Variants in TUSC3 observed in about 807,000 individuals in gnomAD.
TUSC3 encodes dolichyl-diphosphooligosaccharide--protein glycosyltransferase subunit TUSC3.
In TUSC3, 45 loss-of-function variants were observed where a neutral mutation model predicts 44.8. The observed-to-expected ratio is 1.00, with a 90% CI of 0.79 to 1.29. The LOEUF is 1.29. TUSC3 is among the 50% of genes most tolerant of loss of function. TUSC3 has a pLI of 0.00. For missense variants in TUSC3, 519 were observed against 437.9 expected (o/e 1.19, Z -1.65); for synonymous variants, 212 against 152.9 (o/e 1.39, Z -2.85).
At chr8:15,539,084 C>T (rs888891881), upstream of TUSC3, among the ~76,000 whole-genome samples, 1 of 151,706 alleles carries the variant, frequency 6.6e-6, no homozygotes, top group Admixed American at 6.6e-5. Context: ...AACTCTTGGA[C>T]ACAAGCCTCC....
the TUSC3 span, among the ~76,000 whole-genome samples, chr8:15,823,019 ATT>A: frequency 3.9e-3 from 596 of 152,202 alleles, 9 homozygotes; most frequent in African/African-American, 0.014. Flanking sequence ...CCCATCAAAG[ATT>A]TTTTTCTTTT....
intron 6 of TUSC3, among the ~76,000 whole-genome samples, chr8:15,706,842 TC>T (rs1164921032): frequency 1.3e-5 from 2 of 152,010 alleles, no homozygotes; most frequent in Non-Finnish European, 2.9e-5. Flanking sequence ...ATTTCAGCTA[TC>T]AACTTTATTC....
the TUSC3 span, among the ~76,000 whole-genome samples, chr8:15,848,170 A>G: frequency 6.6e-6 from 1 of 152,102 alleles, no homozygotes; most frequent in Non-Finnish European, 1.5e-5. Flanking sequence ...GTCAACCACA[A>G]GCATGCAACT....
At chr8:15,650,639 T>C (rs1806852712) in intron 2 of TUSC3, 58 bp from the exon 3 acceptor site, 1 of 1,469,542 alleles carries the variant, frequency 6.8e-7, no homozygotes, top group Non-Finnish European at 9.5e-7. Context: ...TTTTAATAAC[T>C]GCTTTGTAGA....
chr8:15,758,615 C>A (rs1474692096), intron 10 of TUSC3, among the ~76,000 whole-genome samples: 1 of 152,064 alleles, frequency 6.6e-6, no homozygotes, highest in African/African-American at 2.4e-5. Flanking sequence ...CAGCAACCCA[C>A]TGAACGTAGG....
chr8:15,726,048 C>T (rs573462294), intron 6 of TUSC3, among the ~76,000 whole-genome samples: 1 of 152,216 alleles, frequency 6.6e-6, no homozygotes. Context: ...TTCTTATTTT[C>T]GGAACATTAC....
chr8:15,606,007 G>A (rs537081364), intron 1 of TUSC3, among the ~76,000 whole-genome samples: 25 of 152,008 alleles, frequency 1.6e-4, no homozygotes, highest in African/African-American at 5.3e-4. Flanking sequence ...GTGATCACCC[G>A]AGGTTCTCCT....
At chr8:15,481,796 G>T (rs993682470) in intron 1 of TUSC3, among the ~76,000 whole-genome samples, 1 of 152,148 alleles carries the variant, frequency 6.6e-6, no homozygotes, top group Non-Finnish European at 1.5e-5. Context: ...TTTTGCCGGC[G>T]GAGGGTCTGG....
At chr8:15,495,737 T>C (rs1023743948) in intron 2 of TUSC3, among the ~76,000 whole-genome samples, 1 of 152,154 alleles carries the variant, frequency 6.6e-6, no homozygotes, top group Non-Finnish European at 1.5e-5. Context: ...CTGGAGTCAG[T>C]GGGCTCCATG....
intron 6 of TUSC3, among the ~76,000 whole-genome samples, chr8:15,699,155 A>C (rs1197300427): frequency 6.6e-6 from 1 of 152,184 alleles, no homozygotes; most frequent in South Asian, 2.1e-4. Context: ...AGCCATCTTC[A>C]GCCTATTTTA....
At chr8:15,820,559 C>T in the TUSC3 span, among the ~76,000 whole-genome samples, 5 of 152,068 alleles carry the variant, frequency 3.3e-5, no homozygotes, top group East Asian at 3.9e-4. Context: ...ACCTCATGAT[C>T]GGCCCACCTC....
At chr8:15,648,388 C>T (rs1057401444) in intron 2 of TUSC3, among the ~76,000 whole-genome samples, 2 of 151,960 alleles carry the variant, frequency 1.3e-5, no homozygotes, top group African/African-American at 2.4e-5. Context: ...CCTGACTAGA[C>T]GCGGGCAGAC....
chr8:15,420,995 T>C (rs956569386), intron 1 of TUSC3, among the ~76,000 whole-genome samples: 21 of 152,306 alleles, frequency 1.4e-4, no homozygotes, highest in African/African-American at 4.1e-4. Context: ...ACACTAATTT[T>C]TTATCTCTTC....
chr8:15,606,123 A>G (rs1224219665), intron 1 of TUSC3, among the ~76,000 whole-genome samples: 1 of 152,046 alleles, frequency 6.6e-6, no homozygotes, highest in Admixed American at 6.6e-5. Context: ...GAAGCAGACA[A>G]GCCATGACAT....
chr8:15,828,688 A>G, the TUSC3 span, among the ~76,000 whole-genome samples: 1 of 152,250 alleles, frequency 6.6e-6, no homozygotes, highest in African/African-American at 2.4e-5. Context: ...ACACATTGTA[A>G]ATAATATCTA....
At chr8:15,642,159 T>C (rs774388783) in intron 2 of TUSC3, among the ~76,000 whole-genome samples, 1 of 152,208 alleles carries the variant, frequency 6.6e-6, no homozygotes, top group African/African-American at 2.4e-5. Flanking sequence ...GGAACAATAT[T>C]ACTGGGTAGA....
chr8:15,648,358 G>C (rs996091093), intron 2 of TUSC3, among the ~76,000 whole-genome samples: 2 of 151,972 alleles, frequency 1.3e-5, no homozygotes, highest in Non-Finnish European at 2.9e-5. Flanking sequence ...TTCTCACTGG[G>C]TATGTCGAGA....
chr8:15,663,541 G>T (rs1807520414), intron 5 of TUSC3, among the ~76,000 whole-genome samples: 1 of 151,864 alleles, frequency 6.6e-6, no homozygotes, highest in African/African-American at 2.4e-5. Flanking sequence ...TTCATTTTCT[G>T]CAGTAATACC....
chr8:15,542,704 A>AG (rs1452360913), intron 1 of TUSC3, among the ~76,000 whole-genome samples: 1 of 152,168 alleles, frequency 6.6e-6, no homozygotes, highest in Non-Finnish European at 1.5e-5. Flanking sequence ...TTCTATTAAA[A>AG]TTTTTTCTCG....
Sources: gnomAD v4.1 joint callset for allele counts (sites outside exome capture counted in the v4.1 genomes callset) on GRCh38, gnomAD v4.1.1 for gene constraint, MANE v1.5 for transcripts, NCBI Gene and HGNC (gene_info 2026-07-23, HGNC 2026-07-21) for gene names.